Variants in TENM2 observed in about 807,000 individuals in gnomAD.
TENM2 encodes teneurin transmembrane protein 2, also known as teneurin-2.
In TENM2, 52 loss-of-function variants were observed where a neutral mutation model predicts 245.2. That is an observed-to-expected ratio of 0.21 (90% CI 0.17 to 0.27). The LOEUF (loss-of-function observed/expected upper bound fraction) is 0.27, where lower values mean the gene tolerates loss of function less well. Among genes scored for constraint, TENM2 ranks in the 10% least tolerant of loss-of-function variants. TENM2 has a pLI of 1.00. For missense variants in TENM2, 3,046 were observed against 3,666.8 expected, an observed-to-expected ratio of 0.83 and a Z score of 4.37; for synonymous variants, 1,363 against 1,438.9, an observed-to-expected ratio of 0.95 and a Z score of 1.19.
At chr5:168,237,608 G>A (rs1343241034) in intron 25 of TENM2, among the ~76,000 whole-genome samples, 2 of 152,024 alleles carry the variant, frequency 1.3e-5, no homozygotes, top group East Asian at 1.9e-4. Flanking sequence ...ACTCAAACTC[G>A]GGTCTTTCCA....
chr5:167,052,516 TG>T, the TENM2 span, among the ~76,000 whole-genome samples: 1 of 152,172 alleles, frequency 6.6e-6, no homozygotes, highest in Non-Finnish European at 1.5e-5. Flanking sequence ...GAAAGAGCAT[TG>T]TAGTATATGA....
intron 2 of TENM2, among the ~76,000 whole-genome samples, chr5:167,501,540 A>G (rs1313026058): frequency 6.6e-6 from 1 of 152,106 alleles, no homozygotes; most frequent in Non-Finnish European, 1.5e-5. Context: ...TTAGTGATGG[A>G]TCTGTACTGA....
intron 1 of TENM2, among the ~76,000 whole-genome samples, chr5:167,363,730 C>CAAAAAAAAAAAAAAAAAAAAAAA (rs10659741): frequency 7.8e-5 from 7 of 89,282 alleles, no homozygotes; most frequent in African/African-American, 1.3e-4. Context: ...GACTCCATCT[C>CAAAAAAAAAAAAAAAAAAAAAAA]AAAAAAAAAA....
intron 13 of TENM2, among the ~76,000 whole-genome samples, chr5:168,184,933 A>G (rs1760254115): frequency 6.6e-6 from 1 of 152,218 alleles, no homozygotes; most frequent in South Asian, 2.1e-4. Context: ...TGCCAATGGT[A>G]AACAGCTGAA....
intron 2 of TENM2, among the ~76,000 whole-genome samples, chr5:167,424,583 T>C (rs977588092): frequency 2.6e-5 from 4 of 152,202 alleles, no homozygotes; most frequent in African/African-American, 4.8e-5. Context: ...CAGATAGTTA[T>C]TATGGGAGAA....
chr5:167,046,992 ATG>A, the TENM2 span, among the ~76,000 whole-genome samples: 1 of 152,014 alleles, frequency 6.6e-6, no homozygotes, highest in African/African-American at 2.4e-5. Flanking sequence ...GCTGAGGATG[ATG>A]GCTTCCAGCT....
chr5:167,088,810 C>T, the TENM2 span, among the ~76,000 whole-genome samples: 1 of 152,106 alleles, frequency 6.6e-6, no homozygotes, highest in Non-Finnish European at 1.5e-5. Context: ...TTAACCCTCA[C>T]AGAAAACTTA....
chr5:167,151,075 A>T, the TENM2 span, among the ~76,000 whole-genome samples: 1 of 152,176 alleles, frequency 6.6e-6, no homozygotes, highest in East Asian at 1.9e-4. Context: ...CTGTGAATTT[A>T]ACATGTATTT....
chr5:167,370,197 C>T (rs546773231), intron 1 of TENM2, among the ~76,000 whole-genome samples: 6 of 151,962 alleles, frequency 3.9e-5, no homozygotes, highest in Non-Finnish European at 8.8e-5. Flanking sequence ...AAAAAATTAG[C>T]TGGGTGTAGT....
intron 2 of TENM2, among the ~76,000 whole-genome samples, chr5:167,801,631 G>A (rs1025455117): frequency 4.6e-5 from 7 of 152,094 alleles, no homozygotes; most frequent in Admixed American, 4.6e-4. Flanking sequence ...AGAGATCCAA[G>A]GAAGCAAGAG....
chr5:167,858,609 G>A (rs566001408), intron 2 of TENM2, among the ~76,000 whole-genome samples: 3 of 151,980 alleles, frequency 2.0e-5, no homozygotes, highest in East Asian at 1.9e-4. Context: ...TGGTGGCCGC[G>A]GGTGGTGGTT....
chr5:167,527,727 C>G (rs1258783655), intron 2 of TENM2, among the ~76,000 whole-genome samples: 2 of 152,088 alleles, frequency 1.3e-5, no homozygotes, highest in Non-Finnish European at 2.9e-5. Context: ...AGGGTAGAGA[C>G]CATGAATCCT....
At chr5:167,515,603 AG>A (rs1237662920) in intron 2 of TENM2, among the ~76,000 whole-genome samples, 2 of 147,368 alleles carry the variant, frequency 1.4e-5, no homozygotes, top group Non-Finnish European at 3.0e-5. Flanking sequence ...AGTGAATCAT[AG>A]GGCAATATAT....
chr5:167,888,952 A>G (rs1774514731), intron 3 of TENM2, among the ~76,000 whole-genome samples: 1 of 152,196 alleles, frequency 6.6e-6, no homozygotes, highest in Admixed American at 6.5e-5. Context: ...CTAAGACAGC[A>G]TCTTGGAGTT....
intron 4 of TENM2, among the ~76,000 whole-genome samples, chr5:167,992,051 A>G (rs761845628): frequency 2.0e-5 from 3 of 151,186 alleles, no homozygotes; most frequent in Non-Finnish European, 4.4e-5. Context: ...GTTCTCACTT[A>G]TAAGTGGGAG....
At chr5:168,080,936 G>A (rs1173102079) in intron 7 of TENM2, among the ~76,000 whole-genome samples, 5 of 152,200 alleles carry the variant, frequency 3.3e-5, no homozygotes, top group African/African-American at 1.2e-4. Context: ...TTCTGTAGAT[G>A]TCTATTAGGT....
intron 9 of TENM2, among the ~76,000 whole-genome samples, chr5:168,115,395 AGG>A (rs1794992064): frequency 8.5e-6 from 1 of 118,086 alleles, no homozygotes; most frequent in Admixed American, 7.8e-5. Context: ...GAAGGAAGGA[AGG>A]AAGGAAGGAA....
rs148192408 is a variant in TENM2 at position 167,454,668 on chromosome 5, G to A, written c.502+79195G>A. Among the ~76,000 whole-genome samples the A allele has an allele frequency of 2.9e-3, 437 of 152,186 alleles. 3 individuals are homozygous for A. The highest frequency in any genetic ancestry group is 9.8e-3 in the African/African-American group (408 of 41,494). Reference sequence around the variant, plus strand: ...CCATCTCTTTCCCATCCACTCAACCGTTGGTTCTATTTTCCTCTATATTAC... The same window carrying A: ...CCATCTCTTTCCCATCCACTCAACCATTGGTTCTATTTTCCTCTATATTAC... On this transcript the variant is annotated intron_variant, in intron 2 of 28. Transcript: ENST00000518659.
chr5:167,925,665 C>T (rs570898581), intron 3 of TENM2, among the ~76,000 whole-genome samples: 145 of 152,238 alleles, frequency 9.5e-4, no homozygotes, highest in African/African-American at 3.3e-3. Context: ...AAATGTTCAT[C>T]GCAGCACTAT....
Sources: gnomAD v4.1 joint callset for allele counts (sites outside exome capture counted in the v4.1 genomes callset) on GRCh38, gnomAD v4.1.1 for gene constraint, MANE v1.5 for transcripts, NCBI Gene and HGNC (gene_info 2026-07-23, HGNC 2026-07-21) for gene names.